RFX6: variants seen among roughly 807,000 people sequenced by gnomAD.
RFX6 encodes the protein DNA-binding protein RFX6.
Under a neutral mutation model 110.8 loss-of-function variants are expected in RFX6, and 50 were observed. The observed-to-expected ratio is 0.45, with a 90% confidence interval of 0.36 to 0.57. The LOEUF (loss-of-function observed/expected upper bound fraction) is 0.57, where lower values mean the gene tolerates loss of function less well. Among genes scored for constraint, RFX6 ranks in the 20% least tolerant of loss-of-function variants. The pLI, the probability that RFX6 is intolerant of heterozygous loss-of-function variation, is 0.00. For missense variants in RFX6, 990 were observed against 1,127.0 expected, an observed-to-expected ratio of 0.88 and a Z score of 1.74; for synonymous variants, 383 against 411.2, an observed-to-expected ratio of 0.93 and a Z score of 0.83.
intron 2 of RFX6, among the ~76,000 whole-genome samples, chr6:116,880,168 C>A (rs1020075603): frequency 2.6e-5 from 4 of 151,956 alleles, no homozygotes; most frequent in Admixed American, 2.6e-4. Context: ...CTTGACAGCC[C>A]TTTAGTACTA....
intron 3 of RFX6, 137 bp downstream of exon 3, chr6:116,880,804 A>G (rs1455520698): frequency 6.5e-6 from 6 of 919,774 alleles, no homozygotes; most frequent in Non-Finnish European, 1.0e-5. Context: ...TGTCTTAAGG[A>G]CTCTGTTTGG....
chr6:116,877,716 T>C, intron 1 of RFX6, 80 bp from the exon 2 acceptor site: 3 of 1,450,522 alleles, frequency 2.1e-6, no homozygotes, highest in Non-Finnish European at 2.9e-6. Flanking sequence ...GCTACTCCTT[T>C]GAAGTTAAGG....
chr6:116,906,859 T>C (rs1582524189), intron 6 of RFX6, among the ~76,000 whole-genome samples: 1 of 117,988 alleles, frequency 8.5e-6, no homozygotes, highest in Non-Finnish European at 2.0e-5. Context: ...TGTGTTTTTT[T>C]GTTTTTTTTT....
chr6:116,926,556 C>T (rs565004946), intron 16 of RFX6, among the ~76,000 whole-genome samples: 10 of 152,276 alleles, frequency 6.6e-5, no homozygotes, highest in South Asian at 4.2e-4. Flanking sequence ...GGAACACTGG[C>T]GGCCCAGAGA....
Position 116,920,041 on chromosome 6 carries a change from T to A in RFX6, c.1183-269T>A, listed in dbSNP as rs2008540. On this transcript the variant is annotated intron_variant, in intron 11 of 18. Transcript: ENST00000332958. ...TTAAGTTTTAGGGTACATGTGCACATCGTGCAGGTTTGTTACATATGTATA... is the reference window on the plus strand; with the variant it reads ...TTAAGTTTTAGGGTACATGTGCACAACGTGCAGGTTTGTTACATATGTATA... Among the ~76,000 whole-genome samples, 126,143 of 152,146 alleles carry A rather than the reference T, an allele frequency of 0.83. 52,495 individuals are homozygous for A. The highest frequency in any genetic ancestry group is 0.91 in the East Asian group (4,744 of 5,186).
chr6:116,880,400 A>C (rs1056885257), intron 2 of RFX6, 144 bp from the exon 3 acceptor site: 2 of 720,114 alleles, frequency 2.8e-6, no homozygotes, highest in South Asian at 3.7e-5. Context: ...ATTTTTAAAA[A>C]ATATCCAGAA....
Position 116,911,085 on chromosome 6 carries a change from G to T in RFX6, c.780+43G>T, listed in dbSNP as rs754684743. On this transcript the variant is annotated intron_variant, in intron 7 of 18. Transcript: ENST00000332958. ...TTCTCTATTGATTTTCTGATATGTT[G>T]GCTCCATATGTCAATTTGCTGGGAA... The T allele has an allele frequency of 2.3e-6, 3 of 1,278,518 alleles. No individual in the cohort carries two copies. In the Admixed American group the frequency reaches 5.0e-5, roughly 22 times the overall value. 79.2% of individuals were successfully genotyped at this position (1,278,518 alleles called of 1,614,324 possible).
chr6:116,898,822 G>GT (rs1775006174), intron 6 of RFX6, among the ~76,000 whole-genome samples: 1 of 152,168 alleles, frequency 6.6e-6, no homozygotes, highest in African/African-American at 2.4e-5. Context: ...TGGAAAGAAA[G>GT]TAGGAGTTTG....
chr6:116,920,332 AC>A lies in RFX6; in HGVS notation c.1207del (p.Gln403SerfsTer16). 6.2e-7 allele frequency: 1 copy of A among 1,612,202 alleles called. No individual in the cohort carries two copies. The highest frequency in any genetic ancestry group is 8.5e-7 in the Non-Finnish European group (1 of 1,178,282). ...LAQIARPALF[D>X]QHVVNSMVSD... ...CAGATTGCCAGACCAGCTCTCTTTGACCAGCATGTCGTTAATTCTATGGTGT... is the reference window on the plus strand; with the variant it reads ...CAGATTGCCAGACCAGCTCTCTTTGACAGCATGTCGTTAATTCTATGGTGT... On this transcript the variant is annotated frameshift_variant, in exon 12 of 19. Transcript: ENST00000332958. LOFTEE classifies it high-confidence loss of function.
intron 18 of RFX6, 67 bp from the exon 19 acceptor site, chr6:116,931,264 A>T: frequency 8.7e-7 from 1 of 1,154,078 alleles, no homozygotes; most frequent in Non-Finnish European, 1.3e-6. Context: ...TATTAAAATG[A>T]GTGGCATTTG....
intron 5 of RFX6, 92 bp downstream of exon 5, chr6:116,894,156 T>G: frequency 3.7e-6 from 3 of 802,736 alleles, no homozygotes; most frequent in South Asian, 1.4e-5. Context: ...ATTTTGCTTA[T>G]CAAGATGTTT....
intron 16 of RFX6, 102 bp downstream of exon 16, chr6:116,925,761 A>T: frequency 1.3e-6 from 1 of 781,310 alleles, no homozygotes; most frequent in South Asian, 1.5e-5. Context: ...TTCCAACAAT[A>T]AAAAAGGATG....
At chr6:116,922,279 A>T in intron 13 of RFX6, 128 bp downstream of exon 13, 1 of 691,014 alleles carries the variant, frequency 1.4e-6, no homozygotes, top group South Asian at 1.5e-5. Context: ...AAAGCTTTTG[A>T]TGCTCTACGA....
chr6:116,918,460 A>G (rs560536417), intron 10 of RFX6, among the ~76,000 whole-genome samples: 4 of 152,132 alleles, frequency 2.6e-5, no homozygotes, highest in African/African-American at 9.6e-5. Flanking sequence ...TTTTGTCTTA[A>G]TTACAAAATC....
intron 6 of RFX6, among the ~76,000 whole-genome samples, chr6:116,900,807 T>TA (rs1369038369): frequency 6.6e-6 from 1 of 152,094 alleles, no homozygotes; most frequent in Non-Finnish European, 1.5e-5. Context: ...TATTATTTAT[T>TA]AAAAGGCTCT....
chr6:116,926,949 C>A (rs983498085), intron 16 of RFX6, 78 bp from the exon 17 acceptor site: 79 of 1,304,052 alleles, frequency 6.1e-5, no homozygotes, highest in Middle Eastern at 5.5e-4. Context: ...ATTAATAAAT[C>A]TTTTGAATAT....
chr6:116,904,945 C>A (rs1213064120), intron 6 of RFX6, among the ~76,000 whole-genome samples: 1 of 152,176 alleles, frequency 6.6e-6, no homozygotes, highest in African/African-American at 2.4e-5. Flanking sequence ...GGGTTGCTTC[C>A]ACGTTTAAGC....
At position 116,877,865 on chromosome 6, in the gene RFX6, AAGC is replaced by A. The variant is rs1774498372; in HGVS notation, c.297_299del (p.Ala100del). The A allele has an allele frequency of 1.9e-6, 3 of 1,614,128 alleles. No homozygotes were observed. The highest frequency in any genetic ancestry group is 2.5e-6 in the Non-Finnish European group (3 of 1,179,992). On this transcript the variant is annotated inframe_deletion, in exon 2 of 19. Coordinates refer to ENST00000332958, the MANE Select transcript of RFX6 (RefSeq NM_173560.4). ...GCCGACAACCACGACAGCAAAACCA[AAGC>A]AGCGGATCAATACCTGTCTCAGAAG...
In RFX6 at chr6:116,931,783, AC is replaced by A. The variant is rs1386888909; in HGVS notation, c.*278del. ...AAGATCTGAAGATGCAAACATTTCA[AC>A]TATGAAGATTTACATTTCACTTTCT... On this transcript the variant is annotated 3_prime_UTR_variant, in exon 19 of 19. Coordinates refer to ENST00000332958, the MANE Select transcript of RFX6 (RefSeq NM_173560.4). 1 of 321,640 alleles carries A rather than the reference AC, an allele frequency of 3.1e-6. No homozygotes were observed. Among genetic ancestry groups the A allele is most frequent in the Non-Finnish European group, 5.7e-6 (1 of 175,614 alleles). The allele number at this position is 321,640 out of a possible 1,614,324, so 19.9% of individuals were successfully genotyped here.
Sources: gnomAD v4.1 joint callset for allele counts (sites outside exome capture counted in the v4.1 genomes callset) on GRCh38, gnomAD v4.1.1 for gene constraint, MANE v1.5 for transcripts, NCBI Gene and HGNC (gene_info 2026-07-23, HGNC 2026-07-21) for gene names.